The following GXYLT2 variants were observed in gnomAD, a reference collection of about 807,000 sequenced individuals.
The protein encoded by GXYLT2 is glycosyltransferase 8 domain containing 4.
A neutral mutation model predicts 45.8 loss-of-function variants in GXYLT2; 53 were observed. The ratio of observed to expected loss-of-function variants is 1.16; its 90% CI spans 0.93 to 1.46. The LOEUF (loss-of-function observed/expected upper bound fraction) is 1.46, where lower values mean the gene tolerates loss of function less well. GXYLT2 is among the 40% of genes most tolerant of loss of function. The pLI is 0.00. For missense variants in GXYLT2, 551 were observed against 544.4 expected (o/e 1.01, Z -0.12); for synonymous variants, 219 against 214.2 (o/e 1.02, Z -0.19).
intron 3 of GXYLT2, among the ~76,000 whole-genome samples, chr3:72,949,086 T>A (rs1710465841): frequency 6.6e-6 from 1 of 152,112 alleles, no homozygotes; most frequent in Non-Finnish European, 1.5e-5. Flanking sequence ...GAAGCAAGGA[T>A]GACCTAGAGG....
chr3:72,970,716 G>GCTGGGCGTTGTGGCGCA (rs1355590913), intron 6 of GXYLT2, among the ~76,000 whole-genome samples: 1 of 152,046 alleles, frequency 6.6e-6, no homozygotes, highest in Non-Finnish European at 1.5e-5. Context: ...TACAAAATTA[G>GCTGGGCGTTGTGGCGCA]CTGGGCGTTG....
intron 5 of GXYLT2, 85 bp downstream of exon 5, chr3:72,957,437 G>A (rs944878737): frequency 7.3e-7 from 1 of 1,361,974 alleles, no homozygotes; most frequent in African/African-American, 1.4e-5. Context: ...GGTTGCTATT[G>A]ACTAGGCTTG....
intron 6 of GXYLT2, among the ~76,000 whole-genome samples, chr3:72,970,499 A>G (rs1382330391): frequency 6.6e-6 from 1 of 152,078 alleles, no homozygotes; most frequent in East Asian, 1.9e-4. Flanking sequence ...ATTAAAAAAA[A>G]GAAAATAAAT....
At chr3:72,909,369 C>A (rs553679169) in intron 2 of GXYLT2, among the ~76,000 whole-genome samples, 1 of 151,664 alleles carries the variant, frequency 6.6e-6, no homozygotes, top group Non-Finnish European at 1.5e-5. Context: ...TGCGCCTGGC[C>A]GGTTTTTTTT....
At chr3:72,916,121 T>C (rs763612013) in intron 2 of GXYLT2, among the ~76,000 whole-genome samples, 2 of 151,292 alleles carry the variant, frequency 1.3e-5, no homozygotes, top group African/African-American at 2.4e-5. Flanking sequence ...GCGTCACTTT[T>C]AACATGAAAT....
intron 3 of GXYLT2, chr3:72,928,997 G>A (rs1389397592): frequency 4.2e-6 from 5 of 1,188,078 alleles, no homozygotes; most frequent in African/African-American, 3.0e-5. Flanking sequence ...GCCCGCCGCC[G>A]CTCCAGCGCC....
At chr3:72,973,929 G>A (rs1248257573) in intron 6 of GXYLT2, among the ~76,000 whole-genome samples, 3 of 152,106 alleles carry the variant, frequency 2.0e-5, no homozygotes, top group Non-Finnish European at 2.9e-5. Context: ...ATCTCCTTCC[G>A]AGAAGAAACT....
chr3:72,921,662 G>A (rs529736703), intron 2 of GXYLT2, among the ~76,000 whole-genome samples: 1 of 152,040 alleles, frequency 6.6e-6, no homozygotes, highest in Admixed American at 6.6e-5. Context: ...CTTCTGGCCT[G>A]AAGAGATCCA....
intron 2 of GXYLT2, among the ~76,000 whole-genome samples, chr3:72,919,367 C>CT (rs1211677101): frequency 6.6e-6 from 1 of 152,182 alleles, no homozygotes; most frequent in Non-Finnish European, 1.5e-5. Context: ...ATGCATATTG[C>CT]TAAATGAAAG....
intron 6 of GXYLT2, 114 bp from the exon 7 acceptor site, chr3:72,974,863 C>A: frequency 2.6e-6 from 2 of 780,202 alleles, no homozygotes; most frequent in Non-Finnish European, 4.1e-6. Context: ...TTCACTTGTC[C>A]AAACCTGTGC....
intron 2 of GXYLT2, among the ~76,000 whole-genome samples, chr3:72,918,856 G>A (rs1709782972): frequency 6.6e-6 from 1 of 152,014 alleles, no homozygotes; most frequent in Non-Finnish European, 1.5e-5. Flanking sequence ...AAGATACACA[G>A]ATGGCAAACA....
At chr3:72,947,034 A>C (rs4435564) in intron 3 of GXYLT2, among the ~76,000 whole-genome samples, 126,513 of 151,838 alleles carry the variant, frequency 0.83, 52,998 homozygotes, top group East Asian at 0.93. Flanking sequence ...AATATTATTG[A>C]AGAGATGAGG....
At chr3:72,921,763 G>C (rs945482329) in intron 2 of GXYLT2, among the ~76,000 whole-genome samples, 10 of 152,100 alleles carry the variant, frequency 6.6e-5, no homozygotes, top group African/African-American at 2.4e-4. Flanking sequence ...ATATAGTTCT[G>C]TCATACTTAA....
At chr3:72,894,302 G>C (rs1453956168) in intron 1 of GXYLT2, among the ~76,000 whole-genome samples, 1 of 152,160 alleles carries the variant, frequency 6.6e-6, no homozygotes, top group Admixed American at 6.5e-5. Flanking sequence ...CATCTTAGCT[G>C]AACTAGATGG....
At chr3:72,956,883 C>G (rs1359370687) in intron 4 of GXYLT2, among the ~76,000 whole-genome samples, 1 of 130,986 alleles carries the variant, frequency 7.6e-6, no homozygotes, top group Admixed American at 8.3e-5. Flanking sequence ...GAGCAAGACT[C>G]TGTCTCAAAA....
chr3:72,899,776 G>C (rs1335681552), intron 1 of GXYLT2, among the ~76,000 whole-genome samples: 1 of 152,086 alleles, frequency 6.6e-6, no homozygotes, highest in Admixed American at 6.6e-5. Flanking sequence ...TAGCAAAAAC[G>C]GTTTCATCTT....
At chr3:72,967,967 T>A (rs1364286810) in intron 6 of GXYLT2, among the ~76,000 whole-genome samples, 2 of 152,112 alleles carry the variant, frequency 1.3e-5, no homozygotes, top group African/African-American at 4.8e-5. Flanking sequence ...TAGGAGGAAA[T>A]TTCTGTTTTT....
Position 72,974,970 on chromosome 3 carries a change from C to G in GXYLT2, c.1150-7C>G. ...ACTAAATAAACTTTTTTTTTGTCAT[C>G]TTTCAGTTTCCCTTTCAAGACAATC... On this transcript the variant is annotated splice_region_variant and splice_polypyrimidine_tract_variant and intron_variant, in intron 6 of 6. Transcript: ENST00000389617. The G allele has an allele frequency of 6.6e-7, 1 of 1,523,538 alleles. No individual in the cohort carries two copies. The highest frequency in any genetic ancestry group is 1.3e-5 in the South Asian group (1 of 79,904). 94.4% of individuals were successfully genotyped at this position (1,523,538 alleles called of 1,614,324 possible). A position where few individuals can be genotyped will look rare whatever the true frequency, so the allele number is the denominator to read the frequency against.
At chr3:72,916,219 GATGGAGCCTCC>G (rs1320169596) in intron 2 of GXYLT2, among the ~76,000 whole-genome samples, 2 of 150,658 alleles carry the variant, frequency 1.3e-5, no homozygotes, top group African/African-American at 4.9e-5. Context: ...TGTGAGTTGA[GATGGAGCCTCC>G]ATGAGTTTGG....
Sources: allele counts gnomAD v4.1 joint callset (sites outside exome capture counted in the v4.1 genomes callset), GRCh38; gene constraint gnomAD v4.1.1; transcripts MANE v1.5; gene names NCBI Gene and HGNC (gene_info 2026-07-23, HGNC 2026-07-21).